The following ADGRL3 variants were observed in gnomAD, a reference collection of about 807,000 sequenced individuals.
ADGRL3 encodes calcium-independent alpha-latrotoxin receptor 3.
A neutral mutation model predicts 153.5 loss-of-function variants in ADGRL3; 62 were observed. That is an observed-to-expected ratio of 0.40 (90% confidence interval 0.33 to 0.50). ADGRL3 has a LOEUF of 0.50. Among genes scored for constraint, ADGRL3 ranks in the 20% least tolerant of loss-of-function variants. The pLI is 0.47. For missense variants in ADGRL3, 1,641 were observed against 1,859.4 expected (o/e 0.88, Z 2.16); for synonymous variants, 710 against 672.5 (o/e 1.06, Z -0.86).
chr4:61,844,260 A>G (rs1422553817), intron 9 of ADGRL3, among the ~76,000 whole-genome samples: 2 of 151,446 alleles, frequency 1.3e-5, no homozygotes, highest in Non-Finnish European at 2.9e-5. Context: ...TAAAATGTCT[A>G]TAGATGGCCA....
intron 19 of ADGRL3, among the ~76,000 whole-genome samples, chr4:61,991,538 A>G (rs2099103672): frequency 6.6e-6 from 1 of 152,096 alleles, no homozygotes; most frequent in Non-Finnish European, 1.5e-5. Context: ...TCTATTTTTG[A>G]TATATTAGAA....
At chr4:61,641,278 G>A (rs9999975) in intron 5 of ADGRL3, among the ~76,000 whole-genome samples, 60,122 of 150,508 alleles carry the variant, frequency 0.4, 12,949 homozygotes, top group Non-Finnish European at 0.5. Flanking sequence ...TTTTTTTTTC[G>A]TTTTATTTAT....
chr4:61,916,187 T>C (rs934539860), intron 13 of ADGRL3, among the ~76,000 whole-genome samples: 3 of 152,192 alleles, frequency 2.0e-5, no homozygotes, highest in African/African-American at 7.2e-5. Flanking sequence ...TTAAATAATA[T>C]GTGAATCTCC....
At chr4:61,653,875 A>G (rs570390289) in intron 5 of ADGRL3, among the ~76,000 whole-genome samples, 2 of 152,202 alleles carry the variant, frequency 1.3e-5, no homozygotes, top group African/African-American at 4.8e-5. Context: ...GAATATGAAT[A>G]AGTGACTTTC....
Position 61,854,021 on chromosome 4 carries a change from G to T in ADGRL3, c.1481-38635G>T, listed in dbSNP as rs186414219. 2.0e-3 allele frequency among the ~76,000 whole-genome samples: 298 copies of T among 152,248 alleles called. 1 individual carries two copies. The highest frequency in any genetic ancestry group is 3.1e-3 in the Non-Finnish European group (211 of 68,018). On this transcript the variant is annotated intron_variant, in intron 9 of 26. Transcript: ENST00000683033. ...ATGACAGTTATCATTTGCAGATATGGTTTAGTTTATTTTCTAAGAAATCAT... is the reference window on the plus strand; with the variant it reads ...ATGACAGTTATCATTTGCAGATATGTTTTAGTTTATTTTCTAAGAAATCAT...
At chr4:62,051,742 C>T (rs1337390045) in intron 25 of ADGRL3, among the ~76,000 whole-genome samples, 2 of 151,674 alleles carry the variant, frequency 1.3e-5, no homozygotes, top group Non-Finnish European at 3.0e-5. Flanking sequence ...TACGTTATTA[C>T]CTCACATATT....
intron 9 of ADGRL3, among the ~76,000 whole-genome samples, chr4:61,851,262 A>T (rs2098199074): frequency 1.3e-5 from 2 of 152,076 alleles, no homozygotes; most frequent in South Asian, 4.1e-4. Flanking sequence ...TTATTTCAAG[A>T]ATATTTGTTA....
intron 1 of ADGRL3, among the ~76,000 whole-genome samples, chr4:61,305,925 G>T (rs2094765215): frequency 6.6e-6 from 1 of 152,114 alleles, no homozygotes. Flanking sequence ...GTTTCTTCCA[G>T]TCATTGTCGT....
chr4:61,269,727 G>C (rs981137864), intron 1 of ADGRL3, among the ~76,000 whole-genome samples: 1 of 151,628 alleles, frequency 6.6e-6, no homozygotes, highest in South Asian at 2.1e-4. Flanking sequence ...CAAATTAAAC[G>C]AAGGTGCAGG....
intron 5 of ADGRL3, among the ~76,000 whole-genome samples, chr4:61,614,804 T>C (rs2149736539): frequency 6.6e-6 from 1 of 152,302 alleles, no homozygotes; most frequent in African/African-American, 2.4e-5. Flanking sequence ...CAGACATGAC[T>C]ACCAGTCATT....
chr4:61,369,257 C>T (rs1189569688), intron 1 of ADGRL3, among the ~76,000 whole-genome samples: 1 of 152,160 alleles, frequency 6.6e-6, no homozygotes, highest in African/African-American at 2.4e-5. Flanking sequence ...CCAGAACTTC[C>T]AACACTATGT....
chr4:61,760,280 C>T (rs1207569498), intron 8 of ADGRL3, among the ~76,000 whole-genome samples: 1 of 152,146 alleles, frequency 6.6e-6, no homozygotes, highest in Non-Finnish European at 1.5e-5. Context: ...GGTAGGCAGG[C>T]CTTCTTGAGC....
intron 1 of ADGRL3, among the ~76,000 whole-genome samples, chr4:61,237,802 C>T (rs1753403183): frequency 6.6e-6 from 1 of 151,972 alleles, no homozygotes; most frequent in African/African-American, 2.4e-5. Context: ...AAAACAAGTC[C>T]CTTTTAGGAG....
chr4:61,629,041 G>A (rs1227182696), intron 5 of ADGRL3, among the ~76,000 whole-genome samples: 2 of 152,164 alleles, frequency 1.3e-5, no homozygotes, highest in African/African-American at 4.8e-5. Context: ...TCCATGCTGA[G>A]AAAACAAGTG....
chr4:61,623,047 G>GAAAATT (rs2092623586), intron 5 of ADGRL3, among the ~76,000 whole-genome samples: 40 of 151,988 alleles, frequency 2.6e-4, no homozygotes, highest in Non-Finnish European at 1.0e-4. Flanking sequence ...AATAGAAAAT[G>GAAAATT]GTTTTGAAAT....
chr4:61,601,044 T>C (rs2099009515), intron 5 of ADGRL3, among the ~76,000 whole-genome samples: 1 of 152,154 alleles, frequency 6.6e-6, no homozygotes, highest in South Asian at 2.1e-4. Flanking sequence ...TTCCAGGACA[T>C]CAATCTTCAT....
intron 21 of ADGRL3, among the ~76,000 whole-genome samples, chr4:62,025,400 C>A (rs887034199): frequency 6.6e-6 from 1 of 152,128 alleles, no homozygotes; most frequent in South Asian, 2.1e-4. Flanking sequence ...TTAATATATT[C>A]TGTGAACACT....
intron 25 of ADGRL3, among the ~76,000 whole-genome samples, chr4:62,057,532 T>C (rs1007196949): frequency 2.6e-5 from 4 of 152,190 alleles, no homozygotes; most frequent in Admixed American, 2.6e-4. Context: ...CTTCTAAATA[T>C]GTGGTAAAGA....
intron 1 of ADGRL3, among the ~76,000 whole-genome samples, chr4:61,343,234 T>C (rs1221703966): frequency 6.6e-6 from 1 of 152,180 alleles, no homozygotes; most frequent in Non-Finnish European, 1.5e-5. Flanking sequence ...TCACCAGATA[T>C]TTTAATTTTC....
Sources: gnomAD v4.1 joint callset for allele counts (sites outside exome capture counted in the v4.1 genomes callset) on GRCh38, gnomAD v4.1.1 for gene constraint, MANE v1.5 for transcripts, NCBI Gene and HGNC (gene_info 2026-07-23, HGNC 2026-07-21) for gene names.